The following C16orf74 variants were observed in gnomAD, a reference collection of about 807,000 sequenced individuals.
The protein encoded by C16orf74 is uncharacterized protein C16orf74.
In C16orf74, 10 loss-of-function variants were observed where a neutral mutation model predicts 6.5. The observed-to-expected ratio is 1.54, with a 90% confidence interval of 0.95 to 2.61. The LOEUF (loss-of-function observed/expected upper bound fraction) is 2.61, where lower values mean the gene tolerates loss of function less well. Ranked by LOEUF, C16orf74 falls within the 30% of genes most tolerant of loss-of-function variation. The pLI is 0.00. For missense variants in C16orf74, 141 were observed against 105.9 expected (o/e 1.33, Z -1.45); for synonymous variants, 60 against 42.5 (o/e 1.41, Z -1.60).
chr16:85,738,705 T>G (rs1157514304), intron 1 of C16orf74, among the ~76,000 whole-genome samples: 5 of 149,524 alleles, frequency 3.3e-5, no homozygotes, highest in Admixed American at 6.7e-5. Context: ...ATGGGAGGAG[T>G]GAGGGGTAGC....
At chr16:85,716,188 C>G (rs1006416745) in intron 2 of C16orf74, among the ~76,000 whole-genome samples, 1 of 151,852 alleles carries the variant, frequency 6.6e-6, no homozygotes, top group Non-Finnish European at 1.5e-5. Flanking sequence ...CACATATAAC[C>G]TGGAAGGATC....
At chr16:85,711,073 G>A (rs1044021040) in intron 2 of C16orf74, among the ~76,000 whole-genome samples, 10 of 152,190 alleles carry the variant, frequency 6.6e-5, no homozygotes, top group Non-Finnish European at 1.3e-4. Flanking sequence ...CAGCACTTTC[G>A]GAGGCCAAGG....
intron 2 of C16orf74, among the ~76,000 whole-genome samples, chr16:85,731,582 T>C (rs888632159): frequency 1.3e-5 from 2 of 151,754 alleles, no homozygotes; most frequent in Admixed American, 6.6e-5. Context: ...CCCCAGGGAG[T>C]GAGAGTAATC....
chr16:85,710,995 G>A (rs1347156162), intron 2 of C16orf74: 1 of 152,222 alleles, frequency 6.6e-6, no homozygotes, highest in Non-Finnish European at 1.5e-5. Flanking sequence ...GCATGCTCGA[G>A]ACAGAGTAAG....
intron 1 of C16orf74, among the ~76,000 whole-genome samples, chr16:85,736,509 G>C (rs1567810770): frequency 2.6e-5 from 4 of 152,190 alleles, no homozygotes. Context: ...TGGAAGTCCA[G>C]GTGGAGCTAG....
At chr16:85,745,567 G>A (rs1334619882) in intron 1 of C16orf74, among the ~76,000 whole-genome samples, 1 of 151,730 alleles carries the variant, frequency 6.6e-6, no homozygotes, top group African/African-American at 2.4e-5. Flanking sequence ...GAGGGACCCT[G>A]CTTTTCAAAG....
At chr16:85,731,546 G>C (rs1406636218) in intron 2 of C16orf74, among the ~76,000 whole-genome samples, 1 of 152,162 alleles carries the variant, frequency 6.6e-6, no homozygotes, top group Non-Finnish European at 1.5e-5. Context: ...TCCTCCTGGT[G>C]CCCTGGGCAG....
intron 2 of C16orf74, among the ~76,000 whole-genome samples, chr16:85,717,860 C>T (rs961357152): frequency 3.9e-5 from 6 of 152,182 alleles, no homozygotes; most frequent in African/African-American, 7.2e-5. Flanking sequence ...TGCTGGGATC[C>T]GCAGCCCTGA....
At chr16:85,740,531 T>C (rs1238823937) in intron 1 of C16orf74, among the ~76,000 whole-genome samples, 1 of 151,748 alleles carries the variant, frequency 6.6e-6, no homozygotes, top group South Asian at 2.1e-4. Flanking sequence ...TGAAACCCCG[T>C]CTCTACTAAA....
chr16:85,739,243 T>C (rs548301040), intron 1 of C16orf74, among the ~76,000 whole-genome samples: 46 of 152,302 alleles, frequency 3.0e-4, no homozygotes, highest in South Asian at 8.3e-4. Context: ...CCCTGGACTG[T>C]GGCTGCTGGT....
chr16:85,715,148 C>T lies in C16orf74; in HGVS notation c.29-4841G>A, dbSNP rs552507285. Among the ~76,000 whole-genome samples, 119 of 121,990 alleles carry T rather than the reference C, an allele frequency of 9.8e-4. 1 individual carries two copies. The highest frequency in any genetic ancestry group is 2.9e-3 in the Admixed American group (32 of 11,032). 80.0% of individuals were successfully genotyped at this position (121,990 alleles called of 152,430 possible). ...CTCCAGCCCGGGTGACAGAGCCAGA[C>T]TCCGTCTCAAAAAAAAAAAAAAAAG... On this transcript the variant is annotated intron_variant, in intron 2 of 3. Transcript: ENST00000284245.
intron 3 of C16orf74, among the ~76,000 whole-genome samples, chr16:85,709,849 G>A (rs2053950234): frequency 6.6e-6 from 1 of 152,208 alleles, no homozygotes; most frequent in Non-Finnish European, 1.5e-5. Context: ...GCTGGCAGGG[G>A]AAGGAGCATC....
At chr16:85,746,677 G>A (rs915453998) in intron 1 of C16orf74, among the ~76,000 whole-genome samples, 5 of 152,314 alleles carry the variant, frequency 3.3e-5, no homozygotes, top group Middle Eastern at 3.4e-3. Flanking sequence ...CTGTTTGCCA[G>A]GTGAGTGGGC....
intron 2 of C16orf74, among the ~76,000 whole-genome samples, chr16:85,720,203 A>G (rs188787724): frequency 6.6e-6 from 1 of 152,288 alleles, no homozygotes; most frequent in Non-Finnish European, 1.5e-5. Context: ...TTAAGGAAAA[A>G]GCCCTAGCTT....
At chr16:85,737,481 T>C (rs1232249140) in intron 1 of C16orf74, among the ~76,000 whole-genome samples, 1 of 152,174 alleles carries the variant, frequency 6.6e-6, no homozygotes, top group African/African-American at 2.4e-5. Flanking sequence ...GAGGATCACT[T>C]GGGGCCAAGA....
At chr16:85,728,615 G>C (rs972698135) in intron 2 of C16orf74, among the ~76,000 whole-genome samples, 2 of 152,214 alleles carry the variant, frequency 1.3e-5, no homozygotes, top group Non-Finnish European at 1.5e-5. Context: ...GCCCATGCCT[G>C]CAGTTTAAGT....
At chr16:85,749,703 G>T (rs545066846) in intron 1 of C16orf74, among the ~76,000 whole-genome samples, 1 of 152,370 alleles carries the variant, frequency 6.6e-6, no homozygotes, top group South Asian at 2.1e-4. Flanking sequence ...AACTATCAGT[G>T]CGCTCTTCTT....
chr16:85,750,771 C>T (rs1210689807), intron 1 of C16orf74, among the ~76,000 whole-genome samples, 155 bp downstream of exon 1: 1 of 152,106 alleles, frequency 6.6e-6, no homozygotes, highest in African/African-American at 2.4e-5. Context: ...GGGGGGACGC[C>T]CGGGCCCGCG....
Position 85,732,472 on chromosome 16 carries a change from C to A in C16orf74, c.28+2718G>T, listed in dbSNP as rs187539186. 7.3e-3 allele frequency among the ~76,000 whole-genome samples: 1,114 copies of A among 151,846 alleles called. 7 individuals carry two copies. The highest frequency in any genetic ancestry group is 0.026 in the African/African-American group (1,070 of 41,384). On this transcript the variant is annotated intron_variant, in intron 2 of 3. Coordinates refer to ENST00000284245, the MANE Select transcript of C16orf74 (RefSeq NM_206967.3). Reference sequence around the variant, plus strand: ...CTTGAGGTCAGGAGTTCAAGACCAGCCTGGACAACATGGTGAAACCCCGTC... The same window carrying A: ...CTTGAGGTCAGGAGTTCAAGACCAGACTGGACAACATGGTGAAACCCCGTC...
Sources: allele counts gnomAD v4.1 joint callset (sites outside exome capture counted in the v4.1 genomes callset), GRCh38; gene constraint gnomAD v4.1.1; transcripts MANE v1.5; gene names NCBI Gene and HGNC (gene_info 2026-07-23, HGNC 2026-07-21).